The following RGS18 variants were observed in gnomAD, a reference collection of about 807,000 sequenced individuals.
The protein encoded by RGS18 is regulator of G-protein signaling 18.
In RGS18, 22 loss-of-function variants were observed where a neutral mutation model predicts 27.6. That is an observed-to-expected ratio of 0.80 (90% CI 0.57 to 1.14). The LOEUF is 1.14. Among genes scored for constraint, RGS18 ranks in the 50% most tolerant of loss-of-function variants. The pLI, the probability that RGS18 is intolerant of heterozygous loss-of-function variation, is 0.00. For synonymous variants in RGS18, 89 were observed against 84.6 expected, an observed-to-expected ratio of 1.05 and a Z score of -0.29; for missense variants, 299 against 269.6, an observed-to-expected ratio of 1.11 and a Z score of -0.76.
chr1:192,167,904 C>T (rs1004296573), intron 3 of RGS18: 4 of 152,186 alleles, frequency 2.6e-5, no homozygotes, highest in Non-Finnish European at 5.9e-5. Flanking sequence ...TTATATGGTA[C>T]TTGGGTTTCC....
rs1656513200 is a variant in RGS18 at position 192,184,573 on chromosome 1, A to T, written c.*19A>T. ...GTTATAAAGAAAATTGATTTTGCTCATTTTTATGACAAACTTATACATCTG... is the reference window on the plus strand; with the variant it reads ...GTTATAAAGAAAATTGATTTTGCTCTTTTTTATGACAAACTTATACATCTG... On this transcript the variant is annotated 3_prime_UTR_variant, in exon 5 of 5. Coordinates refer to ENST00000367460, the MANE Select transcript of RGS18 (RefSeq NM_130782.3). 1 of 1,605,678 alleles carries T rather than the reference A, an allele frequency of 6.2e-7. No homozygotes were observed. Among genetic ancestry groups the T allele is most frequent in the African/African-American group, 1.3e-5 (1 of 74,460 alleles).
chr1:192,170,847 A>T (rs1350241296), intron 3 of RGS18, among the ~76,000 whole-genome samples: 1 of 152,260 alleles, frequency 6.6e-6, no homozygotes, highest in East Asian at 1.9e-4. Flanking sequence ...TTGAGAGGAT[A>T]TTGCAATTTA....
intron 3 of RGS18, among the ~76,000 whole-genome samples, chr1:192,167,447 T>A (rs1435236099): frequency 6.6e-6 from 1 of 151,884 alleles, no homozygotes; most frequent in Non-Finnish European, 1.5e-5. Context: ...TTATATTGAA[T>A]CTCACCCTGT....
At chr1:192,159,886 C>A (rs1407679828) in intron 2 of RGS18, among the ~76,000 whole-genome samples, 8 of 151,822 alleles carry the variant, frequency 5.3e-5, no homozygotes, top group African/African-American at 1.9e-4. Flanking sequence ...ATTAAAATAT[C>A]TTATATTTCT....
rs988199424 is a variant in RGS18, at chr1:192,184,635, C to G, written c.*81C>G. 7.3e-7 allele frequency: 1 copy of G among 1,361,730 alleles called. No individual in the cohort carries two copies. The allele number at this position is 1,361,730 out of a possible 1,614,324, so 84.4% of individuals were successfully genotyped here. ...TCGCATGTTTATGTTAAGATTTGGT[C>G]CCATCCTTTAAACTGAAATATGTCA... On this transcript the variant is annotated 3_prime_UTR_variant, in exon 5 of 5. Coordinates refer to ENST00000367460, the MANE Select transcript of RGS18 (RefSeq NM_130782.3).
chr1:192,159,763 A>G (rs1342140675), intron 2 of RGS18, among the ~76,000 whole-genome samples: 4 of 152,182 alleles, frequency 2.6e-5, no homozygotes, highest in African/African-American at 9.6e-5. Flanking sequence ...GAAAATGCAA[A>G]AACCTTATAT....
At position 192,184,540 on chromosome 1, in the gene RGS18, G is replaced by A; in HGVS notation, c.694G>A (p.Ala232Thr). ...ATTCCAAGATGTACAATCAGATGTT[G>A]CCATTTGGTTATAAAGAAAATTGAT... ...NEFQDVQSDV[A>T]IWL is the part of the protein sequence containing the mutation. Residue 232 changes from alanine to threonine, a missense_variant, in exon 5 of 5, where the codon GCC (alanine) becomes ACC (threonine). Coordinates refer to ENST00000367460, the MANE Select transcript of RGS18 (RefSeq NM_130782.3). 1.9e-6 allele frequency: 3 copies of A among 1,610,440 alleles called. No homozygotes were observed. Among genetic ancestry groups the A allele is most frequent in the Non-Finnish European group, 2.5e-6 (3 of 1,177,784 alleles).
chr1:192,184,681 G>C lies in RGS18; in HGVS notation c.*127G>C, dbSNP rs541042425. The C allele has an allele frequency of 2.1e-6, 2 of 958,128 alleles. No homozygotes were observed. Among genetic ancestry groups the C allele is most frequent in the Non-Finnish European group, 3.0e-6 (2 of 655,746 alleles). The allele number at this position is 958,128 out of a possible 1,614,324, so 59.4% of individuals were successfully genotyped here. ...TGTCATGTGAAATTATTTTAAAAAT[G>C]TAAAAACAAAACTTTCTGCTAACAA... On this transcript the variant is annotated 3_prime_UTR_variant, in exon 5 of 5. Coordinates refer to ENST00000367460, the MANE Select transcript of RGS18 (RefSeq NM_130782.3).
Position 192,184,790 on chromosome 1 carries a change from C to A in RGS18, c.*236C>A. ...TTATAATCAGAAAAAAAACTTATTT[C>A]TTAATCAAAAGGCAGTACAAAAAAA... On this transcript the variant is annotated 3_prime_UTR_variant, in exon 5 of 5. Coordinates refer to ENST00000367460, the MANE Select transcript of RGS18 (RefSeq NM_130782.3). The A allele has an allele frequency of 2.4e-6, 1 of 420,416 alleles. No individual in the cohort carries two copies. The highest frequency in any genetic ancestry group is 3.8e-5 in the East Asian group (1 of 26,256). 26.0% of individuals were successfully genotyped at this position (420,416 alleles called of 1,614,324 possible).
At chr1:192,161,516 T>C (rs1369077376) in intron 3 of RGS18, 1 of 152,060 alleles carries the variant, frequency 6.6e-6, no homozygotes, top group Non-Finnish European at 1.5e-5. Flanking sequence ...TTCTCCACCC[T>C]GAACTTGTCA....
In RGS18 at chr1:192,184,480, CT is replaced by C. The variant is rs1656510816; in HGVS notation, c.636del (p.Arg213GlyfsTer27). 6.2e-7 allele frequency: 1 copy of C among 1,611,452 alleles called. No individual in the cohort carries two copies. The highest frequency in any genetic ancestry group is 8.5e-7 in the Non-Finnish European group (1 of 1,178,416). The stretch of plus-strand genomic sequence containing the variant: ...AGGAAGACCTCAGAGACCAACAAAT[CT>C]TAGGAGACGATCACGCTCATTTACC... ...MEGRPQRPTN[L>X]RRRSRSFTCN... On this transcript the variant is annotated frameshift_variant, in exon 5 of 5. Coordinates refer to ENST00000367460, the MANE Select transcript of RGS18 (RefSeq NM_130782.3). LOFTEE classifies it high-confidence loss of function.
intron 3 of RGS18, among the ~76,000 whole-genome samples, chr1:192,161,855 A>AT (rs1656078578): frequency 6.6e-6 from 1 of 152,112 alleles, no homozygotes; most frequent in African/African-American, 2.4e-5. Flanking sequence ...TTTCTGACAT[A>AT]TTTTTGTTTT....
chr1:192,161,167 A>C (rs1656065564), intron 3 of RGS18, among the ~76,000 whole-genome samples: 1 of 152,136 alleles, frequency 6.6e-6, no homozygotes, highest in African/African-American at 2.4e-5. Context: ...CACAGTTTTA[A>C]AAAAAATTTA....
rs183303870 is a variant in RGS18 at position 192,166,312 on chromosome 1, A to T, written c.283+5873A>T. ...AGAGATTAAATAGATGTATGCAATA[A>T]TTCAACAGGCAAAAGAAAAGGTAAT... is the stretch of plus-strand genomic sequence containing the variant. On this transcript the variant is annotated intron_variant, in intron 3 of 4. Coordinates refer to ENST00000367460, the MANE Select transcript of RGS18 (RefSeq NM_130782.3). 1.7e-3 allele frequency among the ~76,000 whole-genome samples: 266 copies of T among 152,274 alleles called. 3 individuals carry two copies. In the Middle Eastern group the frequency reaches 0.02, roughly 12 times the overall value.
intron 3 of RGS18, among the ~76,000 whole-genome samples, chr1:192,177,919 A>G (rs1656384546): frequency 6.6e-6 from 1 of 151,702 alleles, no homozygotes; most frequent in Non-Finnish European, 1.5e-5. Flanking sequence ...TTTGTACTGC[A>G]GCAAGATATT....
At chr1:192,162,674 TG>T (rs1383589190) in intron 3 of RGS18, among the ~76,000 whole-genome samples, 1 of 152,198 alleles carries the variant, frequency 6.6e-6, no homozygotes, top group Non-Finnish European at 1.5e-5. Flanking sequence ...CCGATTGTTT[TG>T]GTTCAGTTTC....
intron 3 of RGS18, among the ~76,000 whole-genome samples, chr1:192,162,272 C>A (rs943015005): frequency 2.0e-5 from 3 of 151,854 alleles, no homozygotes; most frequent in Non-Finnish European, 4.4e-5. Flanking sequence ...TGTTTGTTTT[C>A]TTTTTTGTTT....
At position 192,159,016 on chromosome 1, in the gene RGS18, T is replaced by A. The variant is rs139945586; in HGVS notation, c.120-204T>A. Reference sequence around the variant, plus strand: ...ATCTTTATTGAAATATAATCTCAAATACTTGATTGTCGGTGAGCAAAAGGA... The same window carrying A: ...ATCTTTATTGAAATATAATCTCAAAAACTTGATTGTCGGTGAGCAAAAGGA... On this transcript the variant is annotated intron_variant, in intron 1 of 4. Coordinates refer to ENST00000367460, the MANE Select transcript of RGS18 (RefSeq NM_130782.3). Among the ~76,000 whole-genome samples, 115 of 152,284 alleles carry A rather than the reference T, an allele frequency of 7.6e-4. No homozygotes were observed. In the Middle Eastern group the frequency reaches 0.024, roughly 32 times the overall value.
chr1:192,184,469 G>C lies in RGS18; in HGVS notation c.623G>C (p.Arg208Thr). ...GACTTGATGGAAGGAAGACCTCAGA[G>C]ACCAACAAATCTTAGGAGACGATCA... is the stretch of plus-strand genomic sequence containing the variant. ...YLDLMEGRPQ[R>T]PTNLRRRSRS... The change falls in exon 5 of 5, where the codon AGA becomes ACA. Residue 208 changes from arginine (R) to threonine (T), a missense_variant. By Grantham distance (71) the Arg-to-Thr change is moderately conservative. Coordinates refer to ENST00000367460, the MANE Select transcript of RGS18 (RefSeq NM_130782.3). The C allele has an allele frequency of 6.2e-7, 1 of 1,611,650 alleles. No individual in the cohort carries two copies. Among genetic ancestry groups the C allele is most frequent in the East Asian group, 2.2e-5 (1 of 44,782 alleles).
Sources: gnomAD v4.1 joint callset for allele counts (sites outside exome capture counted in the v4.1 genomes callset) on GRCh38, gnomAD v4.1.1 for gene constraint, MANE v1.5 for transcripts, NCBI Gene and HGNC (gene_info 2026-07-23, HGNC 2026-07-21) for gene names.